Variants in DYRK4 observed in about 807,000 individuals in gnomAD.
DYRK4 encodes the protein dual specificity tyrosine-phosphorylation-regulated kinase 4.
A neutral mutation model predicts 68.3 loss-of-function variants in DYRK4; 64 were observed. The ratio of observed to expected loss-of-function variants is 0.94; its 90% CI spans 0.77 to 1.15. DYRK4 has a LOEUF of 1.15. Ranked by LOEUF, DYRK4 falls within the 50% of genes most tolerant of loss-of-function variation. The pLI, the probability that DYRK4 is intolerant of heterozygous loss-of-function variation, is 0.00. For missense variants in DYRK4, 740 were observed against 764.7 expected, an observed-to-expected ratio of 0.97 and a Z score of 0.38; for synonymous variants, 274 against 289.9, an observed-to-expected ratio of 0.95 and a Z score of 0.56.
intron 2 of DYRK4, among the ~76,000 whole-genome samples, chr12:4,583,623 G>C (rs538418699): frequency 6.6e-6 from 1 of 152,072 alleles, no homozygotes; most frequent in Non-Finnish European, 1.5e-5. Context: ...TGCAACTCCC[G>C]ACCTCAGGTG....
rs1168269427 is a variant in DYRK4 at position 4,562,329 on chromosome 12, T to TA, written c.38+47dup. On this transcript the variant is annotated intron_variant, in intron 1 of 14. Coordinates refer to ENST00000543431, the MANE Select transcript of DYRK4 (RefSeq NM_001394779.1). ...TACTTCACGAGCAGTCAGGCGCGAG[T>TA]ACGAGGCAGGCGACGAAGCTTCTGG... is the stretch of plus-strand genomic sequence containing the variant. The TA allele has an allele frequency of 6.6e-6, 10 of 1,514,218 alleles. No homozygotes were observed. In the Admixed American group the frequency reaches 2.1e-4, roughly 32 times the overall value. The allele number at this position is 1,514,218 out of a possible 1,614,324, so 93.8% of individuals were successfully genotyped here.
chr12:4,589,998 C>A, intron 3 of DYRK4: 1 of 265,036 alleles, frequency 3.8e-6, no homozygotes, highest in Non-Finnish European at 6.3e-6. Context: ...GACTCATTTA[C>A]CTCACAAAAG....
At chr12:4,575,641 T>C (rs527242247) in intron 2 of DYRK4, among the ~76,000 whole-genome samples, 1 of 152,284 alleles carries the variant, frequency 6.6e-6, no homozygotes, top group East Asian at 1.9e-4. Context: ...ATTTTGATGA[T>C]GACTGTTAAT....
intron 2 of DYRK4, among the ~76,000 whole-genome samples, chr12:4,580,013 C>T (rs915164202): frequency 6.6e-6 from 1 of 152,156 alleles, no homozygotes; most frequent in Non-Finnish European, 1.5e-5. Context: ...TAATGTTTGC[C>T]TCCCTTTCTC....
intron 1 of DYRK4, among the ~76,000 whole-genome samples, chr12:4,562,750 A>G (rs1191337942): frequency 6.6e-6 from 1 of 152,046 alleles, no homozygotes; most frequent in African/African-American, 2.4e-5. Flanking sequence ...TCATGTTCCC[A>G]CCCAGCCCAT....
At chr12:4,607,057 C>A (rs1472208488) in intron 11 of DYRK4, among the ~76,000 whole-genome samples, 1 of 152,200 alleles carries the variant, frequency 6.6e-6, no homozygotes, top group South Asian at 2.1e-4. Context: ...CATCTGGCTG[C>A]TATCAAGGGT....
chr12:4,608,579 C>T (rs561141718), intron 12 of DYRK4, among the ~76,000 whole-genome samples: 1 of 152,174 alleles, frequency 6.6e-6, no homozygotes, highest in South Asian at 2.1e-4. Context: ...CAGCCCTGAG[C>T]CCTGCTACAA....
In DYRK4 at chr12:4,596,226, G is replaced by A. The variant is rs754088153; in HGVS notation, c.705G>A (p.Lys235=). The change falls in exon 7 of 15, where the codon AAG becomes AAA. Residue 235 remains lysine (K), a synonymous_variant. Transcript: ENST00000543431. ...AGGGGTCCTTTGGACAGGTGGCCAA[G>A]TGCTTGGATCACAAAAACAATGAGC... ...IGKGSFGQVA[K]CLDHKNNELV... 2 of 1,614,238 alleles carry A rather than the reference G, an allele frequency of 1.2e-6. No homozygotes were observed. Among genetic ancestry groups the A allele is most frequent in the South Asian group, 2.2e-5 (2 of 91,086 alleles).
intron 2 of DYRK4, among the ~76,000 whole-genome samples, chr12:4,579,535 A>G (rs1944821159): frequency 6.6e-6 from 1 of 152,134 alleles, no homozygotes; most frequent in Non-Finnish European, 1.5e-5. Flanking sequence ...ATCTAAATGA[A>G]TCACTCCCCC....
intron 10 of DYRK4, among the ~76,000 whole-genome samples, chr12:4,601,666 G>A (rs1423364050): frequency 6.6e-6 from 1 of 152,176 alleles, no homozygotes; most frequent in African/African-American, 2.4e-5. Context: ...CACTGGAGAT[G>A]AGCCTGGAAG....
intron 2 of DYRK4, among the ~76,000 whole-genome samples, chr12:4,569,963 G>C (rs1000085085): frequency 2.0e-5 from 3 of 151,750 alleles, no homozygotes; most frequent in Non-Finnish European, 4.4e-5. Flanking sequence ...AGCACTTTGG[G>C]AGGCTGAGGT....
At chr12:4,578,171 G>A (rs973134501) in intron 2 of DYRK4, among the ~76,000 whole-genome samples, 7 of 152,102 alleles carry the variant, frequency 4.6e-5, no homozygotes, top group Non-Finnish European at 7.4e-5. Flanking sequence ...CCTTTCATCA[G>A]TTCTGAAAAA....
intron 2 of DYRK4, among the ~76,000 whole-genome samples, chr12:4,586,424 G>A (rs2137353069): frequency 6.6e-6 from 1 of 152,252 alleles, no homozygotes; most frequent in South Asian, 2.1e-4. Flanking sequence ...TGTCATGAAA[G>A]CTCACTTTCT....
At chr12:4,600,401 A>T (rs1945068119) in intron 10 of DYRK4, among the ~76,000 whole-genome samples, 1 of 151,890 alleles carries the variant, frequency 6.6e-6, no homozygotes, top group Non-Finnish European at 1.5e-5. Flanking sequence ...CCCTGTCCTC[A>T]GGTTGCTTAC....
Position 4,607,312 on chromosome 12 carries a change from A to G in DYRK4, c.1300-15A>G. 1.2e-6 allele frequency: 2 copies of G among 1,614,170 alleles called. No homozygotes were observed. Among genetic ancestry groups the G allele is most frequent in the Non-Finnish European group, 1.7e-6 (2 of 1,179,992 alleles). On this transcript the variant is annotated splice_polypyrimidine_tract_variant and intron_variant, in intron 11 of 14. Transcript: ENST00000543431. The stretch of plus-strand genomic sequence containing the variant: ...CTCCCACAAAGAATGAACCAATTGA[A>G]TTATCCTTATTAAGGTGCTGGGTCT...
At chr12:4,565,272 A>G (rs958343486) in intron 1 of DYRK4, among the ~76,000 whole-genome samples, 2 of 152,270 alleles carry the variant, frequency 1.3e-5, no homozygotes, top group African/African-American at 4.8e-5. Flanking sequence ...AGAAAGGCAC[A>G]AAATAGTCTT....
intron 8 of DYRK4, 60 bp from the exon 9 acceptor site, chr12:4,598,967 TC>T (rs1301679460): frequency 6.3e-7 from 1 of 1,592,632 alleles, no homozygotes; most frequent in African/African-American, 1.3e-5. Context: ...GTTTGCAGGT[TC>T]AAACTCAGCC....
At chr12:4,567,693 G>A (rs1218960582) in intron 1 of DYRK4, among the ~76,000 whole-genome samples, 1 of 152,178 alleles carries the variant, frequency 6.6e-6, no homozygotes, top group African/African-American at 2.4e-5. Context: ...TTAAGTAGGG[G>A]AAATGGTTTT....
chr12:4,593,109 G>C lies in DYRK4; in HGVS notation c.571G>C (p.Ala191Pro), dbSNP rs756336354. The C allele has an allele frequency of 2.5e-6, 4 of 1,614,212 alleles. No individual in the cohort carries two copies. The highest frequency in any genetic ancestry group is 1.7e-4 in the Middle Eastern group (1 of 6,054). ...LGLEAKKLDTAPEKFSKTSFD... is the reference protein window; with the variant it reads ...LGLEAKKLDTPPEKFSKTSFD... Reference sequence around the variant, plus strand: ...TCTTGAAGCCAAGAAGCTCGACACGGCTCCTGAGAAATTTAGCAAGACGAG... The same window carrying C: ...TCTTGAAGCCAAGAAGCTCGACACGCCTCCTGAGAAATTTAGCAAGACGAG... The change falls in exon 6 of 15, where the codon GCT becomes CCT. Residue 191 changes from alanine (A) to proline (P), a missense_variant. Transcript: ENST00000543431.
Sources: allele counts gnomAD v4.1 joint callset (sites outside exome capture counted in the v4.1 genomes callset), GRCh38; gene constraint gnomAD v4.1.1; transcripts MANE v1.5; gene names NCBI Gene and HGNC (gene_info 2026-07-23, HGNC 2026-07-21).